COL22A1: variants seen among roughly 807,000 people sequenced by gnomAD.
The protein encoded by COL22A1 is collagen type XXII alpha 1 chain.
Under a neutral mutation model 248.9 loss-of-function variants are expected in COL22A1, and 221 were observed. That is an observed-to-expected ratio of 0.89 (90% CI 0.80 to 0.99). The LOEUF (loss-of-function observed/expected upper bound fraction) is 0.99, where lower values mean the gene tolerates loss of function less well. Ranked by LOEUF, COL22A1 falls within the 50% of genes least tolerant of loss-of-function variation. The pLI is 0.00. For synonymous variants in COL22A1, 891 were observed against 793.4 expected (o/e 1.12, Z -2.07); for missense variants, 2,240 against 2,179.0 (o/e 1.03, Z -0.56).
Position 138,589,118 on chromosome 8 carries a change from A to G in COL22A1, c.*135T>C. ...TTTTGAGGTCTCTCAAGAAAATAAA[A>G]CAAAAAGCAAACGATAAAAGAAAGA... On this transcript the variant is annotated 3_prime_UTR_variant, in exon 65 of 65. Transcript: ENST00000303045. 1.2e-6 allele frequency: 1 copy of G among 831,266 alleles called. No individual in the cohort carries two copies. The highest frequency in any genetic ancestry group is 1.9e-6 in the Non-Finnish European group (1 of 532,352). The allele number at this position is 831,266 out of a possible 1,614,324, so 51.5% of individuals were successfully genotyped here. A position where few individuals can be genotyped will look rare whatever the true frequency, so the allele number is the denominator to read the frequency against.
intron 41 of COL22A1, among the ~76,000 whole-genome samples, chr8:138,673,362 A>C (rs1825215742): frequency 6.6e-6 from 1 of 152,022 alleles, no homozygotes; most frequent in African/African-American, 2.4e-5. Context: ...GGCATGCGCC[A>C]CCATGCCTGG....
intron 1 of COL22A1, among the ~76,000 whole-genome samples, chr8:138,913,226 TCTTA>T (rs1815582899): frequency 6.6e-6 from 1 of 151,982 alleles, no homozygotes; most frequent in African/African-American, 2.4e-5. Context: ...ACTGCAAACT[TCTTA>T]CTTGAAAGTT....
intron 32 of COL22A1, among the ~76,000 whole-genome samples, chr8:138,699,195 G>A (rs759998425): frequency 3.9e-5 from 6 of 152,078 alleles, no homozygotes; most frequent in Non-Finnish European, 4.4e-5. Context: ...TGCTGCCCTA[G>A]GATGCCCCCA....
chr8:138,831,760 G>A (rs1448502135), intron 5 of COL22A1, among the ~76,000 whole-genome samples: 4 of 148,848 alleles, frequency 2.7e-5, no homozygotes, highest in Non-Finnish European at 5.9e-5. Flanking sequence ...TCCTCTTCCT[G>A]GCCTTTTAGT....
rs549349174 is a variant in COL22A1 at position 138,842,572 on chromosome 8, C to T, written c.733+1512G>A. ...AGAGCCAGAGCCTCGCTGGGGATTA[C>T]CAAGGCAAAAAGTGGGAATGTTGAA... On this transcript the variant is annotated intron_variant, in intron 4 of 64. Coordinates refer to ENST00000303045, the MANE Select transcript of COL22A1 (RefSeq NM_152888.3). Among the ~76,000 whole-genome samples, 301 of 152,180 alleles carry T rather than the reference C, an allele frequency of 2.0e-3. 2 individuals carry two copies. The highest frequency in any genetic ancestry group is 6.8e-3 in the African/African-American group (284 of 41,532).
chr8:138,910,749 AG>A (rs1815395591), intron 1 of COL22A1, among the ~76,000 whole-genome samples: 1 of 152,166 alleles, frequency 6.6e-6, no homozygotes, highest in Non-Finnish European at 1.5e-5. Flanking sequence ...ATGTGCAAAA[AG>A]GTCTTAGTTG....
In COL22A1 at chr8:138,601,861, C is replaced by T. The variant is rs536967329; in HGVS notation, c.4185+254G>A. On this transcript the variant is annotated intron_variant, in intron 60 of 64. Coordinates refer to ENST00000303045, the MANE Select transcript of COL22A1 (RefSeq NM_152888.3). ...ATCTCTAATTGTGATGATTTTAGTC[C>T]TTAAAATGATAACCAAAAAGAAAAA... Among the ~76,000 whole-genome samples, 26 of 152,138 alleles carry T rather than the reference C, an allele frequency of 1.7e-4. No homozygotes were observed. In the East Asian group the frequency reaches 3.7e-3, roughly 22 times the overall value.
intron 12 of COL22A1, among the ~76,000 whole-genome samples, chr8:138,789,241 T>C (rs1464304693): frequency 6.6e-6 from 1 of 152,240 alleles, no homozygotes; most frequent in Non-Finnish European, 1.5e-5. Context: ...GGACAGGGCC[T>C]GCAGCACCTC....
intron 6 of COL22A1, among the ~76,000 whole-genome samples, chr8:138,823,615 A>G (rs1819343394): frequency 1.3e-5 from 2 of 152,212 alleles, no homozygotes; most frequent in African/African-American, 4.8e-5. Flanking sequence ...CATGTTGGCC[A>G]GGCTGGTCTT....
At chr8:138,826,916 G>T in intron 5 of COL22A1, 135 bp from the exon 6 acceptor site, 1 of 1,111,250 alleles carries the variant, frequency 9.0e-7, no homozygotes, top group Non-Finnish European at 1.3e-6. Flanking sequence ...CCACCTTCTT[G>T]GCCTGCCTTC....
At chr8:138,890,269 T>C (rs1009442888) in intron 1 of COL22A1, among the ~76,000 whole-genome samples, 1 of 152,200 alleles carries the variant, frequency 6.6e-6, no homozygotes. Flanking sequence ...AATTCACAGC[T>C]AACGTCATCC....
chr8:138,751,072 TAATTA>T (rs766297731), intron 22 of COL22A1, among the ~76,000 whole-genome samples: 39 of 152,274 alleles, frequency 2.6e-4, no homozygotes, highest in Non-Finnish European at 1.2e-4. Context: ...AACAGGTGCT[TAATTA>T]AATTAATTAA....
intron 1 of COL22A1, among the ~76,000 whole-genome samples, chr8:138,911,770 G>A (rs1412328028): frequency 1.3e-5 from 2 of 152,162 alleles, no homozygotes; most frequent in South Asian, 2.1e-4. Context: ...AAAACCTTTC[G>A]TGAATCTGAT....
chr8:138,864,801 G>T (rs747624806), intron 3 of COL22A1, among the ~76,000 whole-genome samples: 3 of 152,076 alleles, frequency 2.0e-5, no homozygotes, highest in Non-Finnish European at 2.9e-5. Context: ...CAGCTAGGGG[G>T]TTTCACTCTC....
intron 7 of COL22A1, among the ~76,000 whole-genome samples, chr8:138,820,448 C>T (rs191040257): frequency 6.6e-6 from 1 of 151,330 alleles, no homozygotes; most frequent in African/African-American, 2.4e-5. Context: ...TATGTATTTC[C>T]AGAGGGAAGA....
chr8:138,755,676 C>A, intron 19 of COL22A1, 109 bp downstream of exon 19: 1 of 1,388,444 alleles, frequency 7.2e-7, no homozygotes, highest in Non-Finnish European at 1.0e-6. Context: ...GCCTTCTATC[C>A]AACCCATGTC....
intron 41 of COL22A1, among the ~76,000 whole-genome samples, chr8:138,666,038 AAT>A (rs1554739392): frequency 6.6e-6 from 1 of 152,024 alleles, no homozygotes; most frequent in African/African-American, 2.4e-5. Context: ...TGAACTAAAA[AAT>A]ATATATATAT....
chr8:138,666,515 A>C, intron 41 of COL22A1, among the ~76,000 whole-genome samples: 1 of 152,164 alleles, frequency 6.6e-6, no homozygotes, highest in East Asian at 1.9e-4. Context: ...CAGAATTCCA[A>C]CTCTGGTCTC....
intron 1 of COL22A1, 77 bp from the exon 2 acceptor site, chr8:138,883,321 G>A: frequency 1.3e-6 from 1 of 776,898 alleles, no homozygotes; most frequent in Non-Finnish European, 2.0e-6. Flanking sequence ...GCCCTGCCCA[G>A]GGGGATTCCC....
Sources: allele counts gnomAD v4.1 joint callset (sites outside exome capture counted in the v4.1 genomes callset), GRCh38; gene constraint gnomAD v4.1.1; transcripts MANE v1.5; gene names NCBI Gene and HGNC (gene_info 2026-07-23, HGNC 2026-07-21).